LINGO2: variants seen among roughly 807,000 people sequenced by gnomAD.
LINGO2 encodes the protein leucine-rich repeat and immunoglobulin-like domain-containing nogo receptor-interacting protein 2.
LINGO2 carries 14 observed loss-of-function variants against 30.6 expected under a neutral mutation model. The ratio of observed to expected loss-of-function variants is 0.46; its 90% CI spans 0.30 to 0.72. LINGO2 has a LOEUF of 0.72. LINGO2 is among the 30% of genes least tolerant of loss of function. The pLI is 0.07. For missense variants in LINGO2, 729 were observed against 751.7 expected (o/e 0.97, Z 0.35); for synonymous variants, 317 against 288.5 (o/e 1.10, Z -1.00).
chr9:28,595,185 G>T (rs570984821), intron 1 of LINGO2, among the ~76,000 whole-genome samples: 108 of 152,170 alleles, frequency 7.1e-4, no homozygotes, highest in African/African-American at 2.5e-3. Flanking sequence ...CCCTTTCAAT[G>T]ATATAAAAAT....
chr9:28,769,018 T>C, the LINGO2 span, among the ~76,000 whole-genome samples: 4 of 152,116 alleles, frequency 2.6e-5, no homozygotes, highest in African/African-American at 9.7e-5. Context: ...CTTCGTATTA[T>C]ACAAACAGTA....
At chr9:28,685,601 T>G in the LINGO2 span, among the ~76,000 whole-genome samples, 1 of 152,186 alleles carries the variant, frequency 6.6e-6, no homozygotes, top group Non-Finnish European at 1.5e-5. Context: ...ATAATTGATC[T>G]TCACATGGGC....
intron 4 of LINGO2, among the ~76,000 whole-genome samples, chr9:28,140,820 T>C (rs544257801): frequency 1.3e-5 from 2 of 152,274 alleles, no homozygotes; most frequent in Non-Finnish European, 2.9e-5. Context: ...CTTTTATGTA[T>C]CTCTAATGTC....
chr9:29,005,393 T>A, the LINGO2 span, among the ~76,000 whole-genome samples: 1 of 151,796 alleles, frequency 6.6e-6, no homozygotes, highest in African/African-American at 2.4e-5. Flanking sequence ...TATAGAGTCA[T>A]CCCTGGTATC....
the LINGO2 span, among the ~76,000 whole-genome samples, chr9:29,161,377 T>A: frequency 6.6e-6 from 1 of 152,290 alleles, no homozygotes. Flanking sequence ...GGCTGGAACC[T>A]GATCCCAAGC....
chr9:28,373,120 A>G (rs956759101), intron 2 of LINGO2, among the ~76,000 whole-genome samples: 12 of 152,164 alleles, frequency 7.9e-5, no homozygotes, highest in Admixed American at 1.3e-4. Flanking sequence ...TGAGTATAGA[A>G]ATTATGAATG....
chr9:28,209,276 T>C (rs1243054692), intron 4 of LINGO2, among the ~76,000 whole-genome samples: 1 of 152,032 alleles, frequency 6.6e-6, no homozygotes, highest in Non-Finnish European at 1.5e-5. Context: ...ATATGAGGCC[T>C]AGGTTAAGGT....
the LINGO2 span, among the ~76,000 whole-genome samples, chr9:29,166,640 C>G: frequency 6.6e-6 from 1 of 152,080 alleles, no homozygotes; most frequent in Admixed American, 6.6e-5. Flanking sequence ...ATTTTAATCA[C>G]TAGTTCTAAT....
the LINGO2 span, among the ~76,000 whole-genome samples, chr9:28,977,303 T>G: frequency 2.0e-5 from 3 of 152,030 alleles, no homozygotes; most frequent in Non-Finnish European, 2.9e-5. Context: ...ATAAGTTCCT[T>G]TTTTAATCAA....
intron 4 of LINGO2, among the ~76,000 whole-genome samples, chr9:28,183,295 G>C (rs1410426640): frequency 6.6e-6 from 1 of 152,068 alleles, no homozygotes; most frequent in African/African-American, 2.4e-5. Flanking sequence ...CACACACCAG[G>C]GCCTGTTGAG....
intron 1 of LINGO2, among the ~76,000 whole-genome samples, chr9:28,499,642 A>G (rs1288421001): frequency 6.6e-6 from 1 of 152,224 alleles, no homozygotes. Flanking sequence ...TGATAAGGAT[A>G]CACTTCTGAA....
chr9:28,553,083 C>A (rs981097437), intron 1 of LINGO2, among the ~76,000 whole-genome samples: 5 of 151,982 alleles, frequency 3.3e-5, no homozygotes, highest in Admixed American at 3.3e-4. Context: ...GCTATAAAAG[C>A]AGAGCACCTC....
chr9:28,544,219 T>G (rs927568783), intron 1 of LINGO2, among the ~76,000 whole-genome samples: 2 of 151,678 alleles, frequency 1.3e-5, no homozygotes, highest in African/African-American at 4.8e-5. Context: ...AAAATACAAA[T>G]AAAAAACAAA....
chr9:28,800,362 C>T, the LINGO2 span, among the ~76,000 whole-genome samples: 2 of 151,856 alleles, frequency 1.3e-5, no homozygotes, highest in African/African-American at 2.4e-5. Flanking sequence ...ATTTATATTC[C>T]CGGTGTATTT....
At chr9:28,236,984 G>C (rs1021757065) in intron 4 of LINGO2, among the ~76,000 whole-genome samples, 5 of 151,766 alleles carry the variant, frequency 3.3e-5, no homozygotes, top group African/African-American at 1.2e-4. Flanking sequence ...GTCTATACCA[G>C]AATATCTCGG....
At chr9:28,999,278 T>C in the LINGO2 span, among the ~76,000 whole-genome samples, 1 of 152,196 alleles carries the variant, frequency 6.6e-6, no homozygotes, top group East Asian at 1.9e-4. Flanking sequence ...ATATGACTGA[T>C]TCTATTTGTC....
intron 3 of LINGO2, among the ~76,000 whole-genome samples, chr9:28,362,271 C>T (rs1029574128): frequency 3.3e-5 from 5 of 151,598 alleles, no homozygotes; most frequent in Admixed American, 6.6e-5. Flanking sequence ...TGCATGTGTG[C>T]GTGTTTGAGA....
intron 4 of LINGO2, among the ~76,000 whole-genome samples, chr9:28,144,409 G>A (rs1827757584): frequency 6.6e-6 from 1 of 152,118 alleles, no homozygotes; most frequent in Non-Finnish European, 1.5e-5. Flanking sequence ...TCTTTAAAGA[G>A]AAAGGCCTGT....
chr9:28,854,846 A>G, the LINGO2 span, among the ~76,000 whole-genome samples: 1 of 152,010 alleles, frequency 6.6e-6, no homozygotes, highest in Non-Finnish European at 1.5e-5. Flanking sequence ...TTTGGCACAA[A>G]CAATTAACAG....
Sources: gnomAD v4.1 joint callset for allele counts (sites outside exome capture counted in the v4.1 genomes callset) on GRCh38, gnomAD v4.1.1 for gene constraint, MANE v1.5 for transcripts, NCBI Gene and HGNC (gene_info 2026-07-23, HGNC 2026-07-21) for gene names.